Variants in VAX1 observed in about 807,000 individuals in gnomAD.
The protein encoded by VAX1 is ventral anterior homeobox 1.
Under a neutral mutation model 17.6 loss-of-function variants are expected in VAX1, and 6 were observed. The observed-to-expected ratio is 0.34, with a 90% CI of 0.19 to 0.67. The LOEUF (loss-of-function observed/expected upper bound fraction) is 0.67, where lower values mean the gene tolerates loss of function less well. Ranked by LOEUF, VAX1 falls within the 30% of genes least tolerant of loss-of-function variation. VAX1 has a pLI of 0.69. For synonymous variants in VAX1, 256 were observed against 227.4 expected, an observed-to-expected ratio of 1.13 and a Z score of -1.13; for missense variants, 408 against 463.7, an observed-to-expected ratio of 0.88 and a Z score of 1.10.
chr10:117,133,721 G>GGGCATCA lies in VAX1; in HGVS notation c.*280_*286dup. 1 of 1,160,150 alleles carries GGGCATCA rather than the reference G, an allele frequency of 8.6e-7. No individual in the cohort carries two copies. The allele number at this position is 1,160,150 out of a possible 1,614,324, so 71.9% of individuals were successfully genotyped here. A position where few individuals can be genotyped will look rare whatever the true frequency, so the allele number is the denominator to read the frequency against. ...CCCTCCTGGGCTGGGCACGGGGTCA[G>GGGCATCA]GGCATCAGGTTGACTAACTCGGGCA... On this transcript the variant is annotated 3_prime_UTR_variant, in exon 3 of 3. Transcript: ENST00000369206.
rs776532808 is a variant in VAX1 at position 117,136,641 on chromosome 10, C to T, written c.260G>A (p.Arg87Gln). The T allele has an allele frequency of 3.1e-6, 5 of 1,605,554 alleles. No individual in the cohort carries two copies. Among genetic ancestry groups the T allele is most frequent in the South Asian group, 1.1e-5 (1 of 90,904 alleles). The part of the protein sequence containing the change: ...ILVRDAKGSI[R>Q]EIILPKGLDL... Reference sequence around the variant, plus strand: ...CAGGCCCTTGGGCAGGATGATCTCTCGGATGGACCCCTTGGCATCTGGGGA... The same window carrying T: ...CAGGCCCTTGGGCAGGATGATCTCTTGGATGGACCCCTTGGCATCTGGGGA... The change falls in exon 2 of 3, where the codon CGA becomes CAA. Residue 87 changes from arginine to glutamine, a missense_variant. This residue lies in a region of VAX1 where 75 missense variants were observed against 116.1 expected (regional missense o/e 0.65). Coordinates refer to ENST00000369206, the MANE Select transcript of VAX1 (RefSeq NM_001112704.2). The surrounding 1 kb of genome is among the most constrained non-coding windows in gnomAD (Gnocchi z 5.0).
downstream of VAX1, chr10:117,128,700 T>C (rs898155769): frequency 1.3e-4 from 20 of 152,226 alleles, no homozygotes; most frequent in African/African-American, 4.8e-4. Context: ...TCAGCTTCCA[T>C]GTCCATTGCA....
At position 117,134,694 on chromosome 10, in the gene VAX1, T is replaced by G. The variant is rs1589946484; in HGVS notation, c.430-111A>C. 1 of 1,115,272 alleles carries G rather than the reference T, an allele frequency of 9.0e-7. No homozygotes were observed. Among genetic ancestry groups the G allele is most frequent in the Non-Finnish European group, 1.2e-6 (1 of 838,852 alleles). The allele number at this position is 1,115,272 out of a possible 1,614,324, so 69.1% of individuals were successfully genotyped here. A position where few individuals can be genotyped will look rare whatever the true frequency, so the allele number is the denominator to read the frequency against. On this transcript the variant is annotated intron_variant, in intron 2 of 2. Coordinates refer to ENST00000369206, the MANE Select transcript of VAX1 (RefSeq NM_001112704.2). The surrounding 1 kb of genome is among the most constrained non-coding windows in gnomAD (Gnocchi z 6.2). The stretch of plus-strand genomic sequence containing the variant: ...CGGGGCTCTCCCCAAGTCCCAGCCC[T>G]ATCCGCAGCCCCACCCAGCAGCCGG...
At chr10:117,132,292 G>GT (rs1053234122), downstream of VAX1, 26 of 1,613,520 alleles carry the variant, frequency 1.6e-5, no homozygotes, top group East Asian at 6.7e-5. This position sits in a 1 kb window ranked among gnomAD's most constrained non-coding sequence, Gnocchi z 4.9. Flanking sequence ...TTCTTCTTTT[G>GT]TTTTTTTATC....
chr10:117,138,050 C>G lies in VAX1; in HGVS notation c.7G>C (p.Gly3Arg), dbSNP rs1407969897. 13 of 1,578,126 alleles carry G rather than the reference C, an allele frequency of 8.2e-6. No homozygotes were observed. The highest frequency in any genetic ancestry group is 1.0e-5 in the Non-Finnish European group (12 of 1,165,594). The change falls in exon 1 of 3, where the codon GGG (glycine) becomes CGG (arginine). Residue 3 changes from glycine (G) to arginine (R), a missense_variant. Physicochemically the swap from Gly to Arg is moderately radical, Grantham distance 125. Transcript: ENST00000369206. MFGKPDKMDVRCH... is the reference protein window; with the variant it reads MFRKPDKMDVRCH... Reference sequence around the variant, plus strand: ...CGAACGTCCATTTTGTCTGGTTTCCCGAACATAGGCAAGAACAACAACAAA... The same window carrying G: ...CGAACGTCCATTTTGTCTGGTTTCCGGAACATAGGCAAGAACAACAACAAA...
downstream of VAX1, among the ~76,000 whole-genome samples, chr10:117,132,658 G>C (rs1854104966): frequency 6.6e-6 from 1 of 152,212 alleles, no homozygotes; most frequent in Non-Finnish European, 1.5e-5. This position sits in a 1 kb window ranked among gnomAD's most constrained non-coding sequence, Gnocchi z 4.9. Flanking sequence ...GGCCGTGGCT[G>C]TAGGGACGAT....
Position 117,133,945 on chromosome 10 carries a change from C to T in VAX1, c.*63G>A, listed in dbSNP as rs1854127618. The T allele has an allele frequency of 2.1e-6, 3 of 1,451,674 alleles. No homozygotes were observed. Among genetic ancestry groups the T allele is most frequent in the African/African-American group, 1.5e-5 (1 of 66,286 alleles). 89.9% of individuals were successfully genotyped at this position (1,451,674 alleles called of 1,614,324 possible). A position where few individuals can be genotyped will look rare whatever the true frequency, so the allele number is the denominator to read the frequency against. ...GCAGGAGCTCTGGGCACCTAATGCG[C>T]GTGAGTCCATAAATATCACCACAAT... is the stretch of plus-strand genomic sequence containing the variant. On this transcript the variant is annotated 3_prime_UTR_variant, in exon 3 of 3. Coordinates refer to ENST00000369206, the MANE Select transcript of VAX1 (RefSeq NM_001112704.2).
In VAX1 at chr10:117,137,477, C is replaced by T. The variant is rs1280585508; in HGVS notation, c.241+339G>A. On this transcript the variant is annotated intron_variant, in intron 1 of 2. Transcript: ENST00000369206. The surrounding 1 kb of genome is among the most constrained non-coding windows in gnomAD (Gnocchi z 7.4). ...CCTGGCCGGCTCCCGGCAGGTCGTC[C>T]GGCCCTTGGAGCGCGCACACCTCCT... 6.6e-6 allele frequency among the ~76,000 whole-genome samples: 1 copy of T among 152,236 alleles called. No homozygotes were observed. The highest frequency in any genetic ancestry group is 1.9e-4 in the East Asian group (1 of 5,178).
At position 117,133,594 on chromosome 10, in the gene VAX1, CCT is replaced by C. The variant is rs1277820999; in HGVS notation, c.*412_*413del. On this transcript the variant is annotated 3_prime_UTR_variant, in exon 3 of 3. Transcript: ENST00000369206. Reference sequence around the variant, plus strand: ...GCCCCTGGGGTCTGCGCGCAGTTTTCCTCTTTCAAATATTCCTAGGAATAGTC... The same window carrying C: ...GCCCCTGGGGTCTGCGCGCAGTTTTCCTTTCAAATATTCCTAGGAATAGTC... 1.0e-6 allele frequency: 1 copy of C among 988,086 alleles called. No individual in the cohort carries two copies. Among genetic ancestry groups the C allele is most frequent in the African/African-American group, 1.7e-5 (1 of 57,310 alleles). The allele number at this position is 988,086 out of a possible 1,614,324, so 61.2% of individuals were successfully genotyped here. A position where few individuals can be genotyped will look rare whatever the true frequency, so the allele number is the denominator to read the frequency against.
At position 117,137,951 on chromosome 10, in the gene VAX1, C is replaced by T; in HGVS notation, c.106G>A (p.Glu36Lys). The change falls in exon 1 of 3, where the codon GAG (glutamate) becomes AAG (lysine). Residue 36 changes from glutamate (E) to lysine (K), a missense_variant. Physicochemically the swap from Glu to Lys is moderately conservative, Grantham distance 56 (BLOSUM62 1). Transcript: ENST00000369206. The surrounding 1 kb of genome is among the most constrained non-coding windows in gnomAD (Gnocchi z 7.4). ...AGGAAGGCGGCTGGGAGGTTCCCCTCCGCGCCCTTGCTCTCCCGACTCTCC... is the reference window on the plus strand; with the variant it reads ...AGGAAGGCGGCTGGGAGGTTCCCCTTCGCGCCCTTGCTCTCCCGACTCTCC... ...HKESRESKGAEGNLPAAFLKE... is the reference protein window; with the variant it reads ...HKESRESKGAKGNLPAAFLKE... 3 of 1,613,832 alleles carry T rather than the reference C, an allele frequency of 1.9e-6. No homozygotes were observed. Among genetic ancestry groups the T allele is most frequent in the Middle Eastern group, 1.6e-4 (1 of 6,062 alleles).
chr10:117,138,216 T>A lies in VAX1; in HGVS notation c.-160A>T. The A allele has an allele frequency of 1.2e-6, 1 of 800,488 alleles. No homozygotes were observed. The highest frequency in any genetic ancestry group is 1.9e-6 in the Non-Finnish European group (1 of 525,460). The allele number at this position is 800,488 out of a possible 1,614,324, so 49.6% of individuals were successfully genotyped here. On this transcript the variant is annotated 5_prime_UTR_variant, in exon 1 of 3. Coordinates refer to ENST00000369206, the MANE Select transcript of VAX1 (RefSeq NM_001112704.2). ...GCGACAGGCAAGGGGCAAGAATGAA[T>A]GTCCCCGCGGGGAGGCTTCGGCGGC...
At chr10:117,132,266 T>A (rs1854096577), downstream of VAX1, 24 of 1,614,204 alleles carry the variant, frequency 1.5e-5, no homozygotes, top group Non-Finnish European at 2.0e-5. This position sits in a 1 kb window ranked among gnomAD's most constrained non-coding sequence, Gnocchi z 4.9. Flanking sequence ...CATCATTTGC[T>A]GGCTCTTTCT....
Position 117,134,627 on chromosome 10 carries a change from A to G in VAX1, c.430-44T>C. 6.9e-7 allele frequency: 1 copy of G among 1,458,896 alleles called. No homozygotes were observed. The highest frequency in any genetic ancestry group is 9.1e-7 in the Non-Finnish European group (1 of 1,104,800). The allele number at this position is 1,458,896 out of a possible 1,614,324, so 90.4% of individuals were successfully genotyped here. A position where few individuals can be genotyped will look rare whatever the true frequency, so the allele number is the denominator to read the frequency against. ...GGAGAGTTGGAGAGAGGGGCAGGGA[A>G]GACCAGCGTCAAAGGAAGCGAGCTC... On this transcript the variant is annotated intron_variant, in intron 2 of 2. Coordinates refer to ENST00000369206, the MANE Select transcript of VAX1 (RefSeq NM_001112704.2). This position sits in a 1 kb window ranked among gnomAD's most constrained non-coding sequence, Gnocchi z 6.2.
rs1016841819 is a variant in VAX1 at position 117,133,930 on chromosome 10, T to C, written c.*78A>G. 9.7e-6 allele frequency: 14 copies of C among 1,441,152 alleles called. No homozygotes were observed. The African/African-American group carries it at 2.1e-4, about 22-fold the overall frequency. The allele number at this position is 1,441,152 out of a possible 1,614,324, so 89.3% of individuals were successfully genotyped here. A position where few individuals can be genotyped will look rare whatever the true frequency, so the allele number is the denominator to read the frequency against. On this transcript the variant is annotated 3_prime_UTR_variant, in exon 3 of 3. Transcript: ENST00000369206. ...AGCCAGGAGCCCAGCGCAGGAGCTC[T>C]GGGCACCTAATGCGCGTGAGTCCAT...
In VAX1 at chr10:117,136,258, C is replaced by A. The variant is rs1854176121; in HGVS notation, c.429+214G>T. 2.0e-5 allele frequency among the ~76,000 whole-genome samples: 3 copies of A among 152,192 alleles called. No individual in the cohort carries two copies. In the South Asian group the frequency reaches 6.2e-4, roughly 32 times the overall value. On this transcript the variant is annotated intron_variant, in intron 2 of 2. Transcript: ENST00000369206. This position sits in a 1 kb window ranked among gnomAD's most constrained non-coding sequence, Gnocchi z 5.0. ...AGGCCAAGGTGGATAAAACATGGGC[C>A]CTGGAGGATTTGGGGATGGCAGGAA...
Position 117,136,729 on chromosome 10 carries a change from T to C in VAX1, c.242-70A>G. ...TCCACCTCCTTGGCCCGAGCTGGAT[T>C]TGGGGACACAGTCCCCAGAAGCGTG... is the stretch of plus-strand genomic sequence containing the variant. On this transcript the variant is annotated intron_variant, in intron 1 of 2. Coordinates refer to ENST00000369206, the MANE Select transcript of VAX1 (RefSeq NM_001112704.2). This position sits in a 1 kb window ranked among gnomAD's most constrained non-coding sequence, Gnocchi z 5.0. The C allele has an allele frequency of 6.5e-7, 1 of 1,535,248 alleles. No individual in the cohort carries two copies. The highest frequency in any genetic ancestry group is 8.8e-7 in the Non-Finnish European group (1 of 1,137,164).
chr10:117,137,904 G>A lies in VAX1; in HGVS notation c.153C>T (p.Phe51=), dbSNP rs747228411. 3.2e-5 allele frequency: 52 copies of A among 1,613,918 alleles called. No homozygotes were observed. The highest frequency in any genetic ancestry group is 4.3e-5 in the Non-Finnish European group (51 of 1,179,982). The change falls in exon 1 of 3, where the codon TTC becomes TTT. Residue 51 remains phenylalanine (F), a synonymous_variant. Coordinates refer to ENST00000369206, the MANE Select transcript of VAX1 (RefSeq NM_001112704.2). The surrounding 1 kb of genome is among the most constrained non-coding windows in gnomAD (Gnocchi z 7.4). ...AAFLKEPQGA[F]SASGAAEDCN... Reference sequence around the variant, plus strand: ...AATCCTCAGCAGCGCCCGACGCTGAGAAGGCGCCCTGCGGCTCCTTGAGGA... The same window carrying A: ...AATCCTCAGCAGCGCCCGACGCTGAAAAGGCGCCCTGCGGCTCCTTGAGGA...
chr10:117,133,977 T>C lies in VAX1; in HGVS notation c.*31A>G. The stretch of plus-strand genomic sequence containing the variant: ...CCATAAATATCACCACAATAGATAC[T>C]ATAAATATAAATACAGGGAAACACT... On this transcript the variant is annotated 3_prime_UTR_variant, in exon 3 of 3. Transcript: ENST00000369206. 1 of 1,491,786 alleles carries C rather than the reference T, an allele frequency of 6.7e-7. No individual in the cohort carries two copies. Among genetic ancestry groups the C allele is most frequent in the Non-Finnish European group, 8.9e-7 (1 of 1,124,658 alleles). 92.4% of individuals were successfully genotyped at this position (1,491,786 alleles called of 1,614,324 possible). A position where few individuals can be genotyped will look rare whatever the true frequency, so the allele number is the denominator to read the frequency against.
rs1854178527 is a variant in VAX1 at position 117,136,352 on chromosome 10, C to T, written c.429+120G>A. On this transcript the variant is annotated intron_variant, in intron 2 of 2. Transcript: ENST00000369206. The surrounding 1 kb of genome is among the most constrained non-coding windows in gnomAD (Gnocchi z 5.0). ...GGCCTGTCTTACCCATCCTTCCCAT[C>T]TCCTCCACCTCCCAAGGGTAGTTCT... The T allele has an allele frequency of 2.4e-6, 3 of 1,242,336 alleles. No individual in the cohort carries two copies. Among genetic ancestry groups the T allele is most frequent in the Non-Finnish European group, 3.3e-6 (3 of 902,730 alleles). The allele number at this position is 1,242,336 out of a possible 1,614,324, so 77.0% of individuals were successfully genotyped here. A position where few individuals can be genotyped will look rare whatever the true frequency, so the allele number is the denominator to read the frequency against.
Sources: gnomAD v4.1 joint callset for allele counts (sites outside exome capture counted in the v4.1 genomes callset) on GRCh38, gnomAD v4.1.1 for gene constraint, gnomAD v4.1.1 regional missense constraint, Gnocchi (gnomAD v3.1) non-coding constraint, MANE v1.5 for transcripts, NCBI Gene and HGNC (gene_info 2026-07-23, HGNC 2026-07-21) for gene names.